CENPP: variants seen among roughly 807,000 people sequenced by gnomAD.
CENPP encodes the protein centromere protein P.
A neutral mutation model predicts 35.6 loss-of-function variants in CENPP; 24 were observed. The observed-to-expected ratio is 0.67, with a 90% CI of 0.49 to 0.95. CENPP has a LOEUF of 0.95. Among genes scored for constraint, CENPP ranks in the 40% least tolerant of loss-of-function variants. The pLI, the probability that CENPP is intolerant of heterozygous loss-of-function variation, is 0.00. For missense variants in CENPP, 332 were observed against 345.3 expected, an observed-to-expected ratio of 0.96 and a Z score of 0.31; for synonymous variants, 120 against 125.5, an observed-to-expected ratio of 0.96 and a Z score of 0.29.
intron 5 of CENPP, among the ~76,000 whole-genome samples, chr9:92,502,314 T>A (rs1846727747): frequency 6.6e-6 from 1 of 152,198 alleles, no homozygotes; most frequent in South Asian, 2.1e-4. Context: ...ACACCAGTCA[T>A]GCAGCGCACA....
rs752142381 is a variant in CENPP, at chr9:92,416,998, G to C, written c.564+37139G>C. 1.9e-5 allele frequency: 30 copies of C among 1,613,914 alleles called. No homozygotes were observed. The South Asian group carries it at 3.1e-4, about 17-fold the overall frequency. On this transcript the variant is annotated intron_variant, in intron 5 of 7. Transcript: ENST00000375587. ...TATAACAGAGATCAAGCATGGTCAA[G>C]TTTACTAGCCCATCCATAGCATTTG...
chr9:92,332,126 C>T lies in CENPP; in HGVS notation c.108-44C>T, dbSNP rs139472397. The T allele has an allele frequency of 3.1e-4, 419 of 1,337,130 alleles. 2 individuals are homozygous for T. The East Asian group carries it at 8.2e-3, about 26-fold the overall frequency. The allele number at this position is 1,337,130 out of a possible 1,614,324, so 82.8% of individuals were successfully genotyped here. ...GAAAATGGGGTTATTAGATGAAACA[C>T]GTGTTAGTAATTGGAGTGATTATTT... On this transcript the variant is annotated intron_variant, in intron 1 of 7. Transcript: ENST00000375587.
At chr9:92,343,521 G>A (rs1841184713) in intron 3 of CENPP, among the ~76,000 whole-genome samples, 1 of 152,126 alleles carries the variant, frequency 6.6e-6, no homozygotes, top group South Asian at 2.1e-4. Flanking sequence ...CAAAAAATAA[G>A]CAATTTTTTT....
chr9:92,525,356 G>A (rs192199452), intron 5 of CENPP, among the ~76,000 whole-genome samples: 1 of 151,788 alleles, frequency 6.6e-6, no homozygotes, highest in Admixed American at 6.6e-5. Context: ...GAAAGACCCT[G>A]CAAGCATTTG....
At chr9:92,496,597 A>G in intron 5 of CENPP, 2 of 1,288,494 alleles carry the variant, frequency 1.6e-6, no homozygotes, top group East Asian at 2.7e-5. Context: ...TTGGATCCTT[A>G]TAGACCAGAA....
At chr9:92,588,685 A>G (rs1850598988) in intron 5 of CENPP, among the ~76,000 whole-genome samples, 1 of 152,170 alleles carries the variant, frequency 6.6e-6, no homozygotes, top group African/African-American at 2.4e-5. Context: ...GAAATCTTCC[A>G]TAAACCCATA....
chr9:92,603,197 C>T (rs1211591352), intron 5 of CENPP, among the ~76,000 whole-genome samples: 1 of 152,228 alleles, frequency 6.6e-6, no homozygotes, highest in Non-Finnish European at 1.5e-5. Flanking sequence ...ACAAAGGCCC[C>T]TTGTCCCAGG....
intron 5 of CENPP, among the ~76,000 whole-genome samples, chr9:92,535,451 C>T (rs955682630): frequency 1.3e-5 from 2 of 152,076 alleles, no homozygotes; most frequent in African/African-American, 2.4e-5. Flanking sequence ...TTTATCCCAA[C>T]ATTAAATATT....
intron 4 of CENPP, among the ~76,000 whole-genome samples, chr9:92,367,085 T>TA (rs1841905603): frequency 6.6e-6 from 1 of 152,244 alleles, no homozygotes; most frequent in Admixed American, 6.5e-5. Context: ...TATCAGATTC[T>TA]AAAATCAAAG....
intron 5 of CENPP, among the ~76,000 whole-genome samples, chr9:92,397,762 T>C (rs1842949247): frequency 6.6e-6 from 1 of 152,232 alleles, no homozygotes; most frequent in South Asian, 2.1e-4. Flanking sequence ...TGTGTGTGTT[T>C]ATTTGTCTCT....
chr9:92,413,131 T>C (rs1843493238), intron 5 of CENPP, among the ~76,000 whole-genome samples: 1 of 151,822 alleles, frequency 6.6e-6, no homozygotes, highest in Non-Finnish European at 1.5e-5. Flanking sequence ...ATTACAGGCA[T>C]GTGCCACCAT....
intron 5 of CENPP, among the ~76,000 whole-genome samples, chr9:92,559,683 T>G (rs979130919): frequency 2.0e-5 from 3 of 152,152 alleles, no homozygotes; most frequent in Non-Finnish European, 4.4e-5. Context: ...TTTTTTTTCA[T>G]AGAGATGGGG....
chr9:92,567,935 G>A (rs1850034728), intron 5 of CENPP, among the ~76,000 whole-genome samples: 1 of 151,960 alleles, frequency 6.6e-6, no homozygotes, highest in African/African-American at 2.4e-5. Context: ...ACAGGAAATG[G>A]ACAAAATAGA....
intron 5 of CENPP, among the ~76,000 whole-genome samples, chr9:92,529,700 A>C: frequency 6.6e-6 from 1 of 152,228 alleles, no homozygotes; most frequent in Non-Finnish European, 1.5e-5. Flanking sequence ...ACTAAATGAA[A>C]TAAGCCAACC....
Position 92,466,171 on chromosome 9 carries a change from G to A in CENPP, c.564+86312G>A, listed in dbSNP as rs145099290. Among the ~76,000 whole-genome samples the A allele has an allele frequency of 1.1e-3, 165 of 152,238 alleles. 2 individuals carry two copies. Among genetic ancestry groups the A allele is most frequent in the African/African-American group, 3.8e-3 (157 of 41,544 alleles). On this transcript the variant is annotated intron_variant, in intron 5 of 7. Transcript: ENST00000375587. Reference sequence around the variant, plus strand: ...TTCAGGGAGAGAGAGACAGTATTACGAAGATCATATTTTCTTTAAGTGCTA... The same window carrying A: ...TTCAGGGAGAGAGAGACAGTATTACAAAGATCATATTTTCTTTAAGTGCTA...
chr9:92,594,791 C>T (rs757171834), intron 5 of CENPP, among the ~76,000 whole-genome samples: 1 of 151,572 alleles, frequency 6.6e-6, no homozygotes, highest in Non-Finnish European at 1.5e-5. Flanking sequence ...CCCATCTCTA[C>T]AAACATTTTT....
At chr9:92,391,392 G>A (rs1842678748) in intron 5 of CENPP, among the ~76,000 whole-genome samples, 1 of 151,992 alleles carries the variant, frequency 6.6e-6, no homozygotes, top group Non-Finnish European at 1.5e-5. Context: ...GGGCAACAGA[G>A]TAAGACTCCA....
chr9:92,594,892 CTTT>C lies in CENPP; in HGVS notation c.565-16403_565-16401del, dbSNP rs1213825480. Among the ~76,000 whole-genome samples, 8 of 105,106 alleles carry C rather than the reference CTTT, an allele frequency of 7.6e-5. No individual in the cohort carries two copies. The South Asian group carries it at 1.3e-3, about 17-fold the overall frequency. 69.0% of individuals were successfully genotyped at this position (105,106 alleles called of 152,430 possible). A position where few individuals can be genotyped will look rare whatever the true frequency, so the allele number is the denominator to read the frequency against. On this transcript the variant is annotated intron_variant, in intron 5 of 7. Transcript: ENST00000375587. ...GTCCTGGATGTGAGAGGTTGCTCTT[CTTT>C]TTTTTTTTTTTTTTTTTTGAGATGG... is the stretch of plus-strand genomic sequence containing the variant.
chr9:92,543,435 G>T (rs1391590474), intron 5 of CENPP, among the ~76,000 whole-genome samples: 3 of 124,708 alleles, frequency 2.4e-5, no homozygotes, highest in Non-Finnish European at 4.7e-5. Context: ...TCTCACCACT[G>T]CTCTCCAGCC....
Sources: allele counts gnomAD v4.1 joint callset (sites outside exome capture counted in the v4.1 genomes callset), GRCh38; gene constraint gnomAD v4.1.1; transcripts MANE v1.5; gene names NCBI Gene and HGNC (gene_info 2026-07-23, HGNC 2026-07-21).